The following MAMDC2 variants were observed in gnomAD, a reference collection of about 807,000 sequenced individuals.
MAMDC2 encodes the protein MAM domain containing 2, also known as MAM domain-containing protein 2.
A neutral mutation model predicts 89.8 loss-of-function variants in MAMDC2; 57 were observed. The observed-to-expected ratio is 0.63, with a 90% confidence interval of 0.51 to 0.79. The LOEUF is 0.79. MAMDC2 is among the 30% of genes least tolerant of loss of function. The pLI, the probability that MAMDC2 is intolerant of heterozygous loss-of-function variation, is 0.00. For missense variants in MAMDC2, 800 were observed against 820.6 expected, an observed-to-expected ratio of 0.97 and a Z score of 0.31; for synonymous variants, 313 against 293.4, an observed-to-expected ratio of 1.07 and a Z score of -0.68.
chr9:70,140,417 A>G (rs1259721078), intron 8 of MAMDC2, 129 bp downstream of exon 8: 2 of 960,200 alleles, frequency 2.1e-6, no homozygotes, highest in Non-Finnish European at 3.0e-6. Context: ...AAAGACAATC[A>G]GTAGTCTTGT....
intron 2 of MAMDC2, among the ~76,000 whole-genome samples, chr9:70,106,216 GA>G (rs537730370): frequency 6.6e-6 from 1 of 152,196 alleles, no homozygotes; most frequent in South Asian, 2.1e-4. Flanking sequence ...GTGGGGAAAG[GA>G]AAAGGGGAGG....
chr9:70,164,793 G>A (rs1056832681), intron 9 of MAMDC2, among the ~76,000 whole-genome samples: 4 of 151,630 alleles, frequency 2.6e-5, no homozygotes, highest in Non-Finnish European at 4.4e-5. Flanking sequence ...GACTACAAGC[G>A]CACACAGCTA....
At chr9:70,192,189 ATCTC>A in intron 11 of MAMDC2, among the ~76,000 whole-genome samples, 1 of 152,176 alleles carries the variant, frequency 6.6e-6, no homozygotes, top group South Asian at 2.1e-4. Context: ...CTGTTTGGAA[ATCTC>A]TCTGATAACT....
chr9:70,174,541 G>C (rs879634529), intron 11 of MAMDC2, among the ~76,000 whole-genome samples: 4 of 152,104 alleles, frequency 2.6e-5, no homozygotes, highest in Non-Finnish European at 4.4e-5. Context: ...CAATGTTCCA[G>C]GTAGAGGGGA....
At chr9:70,119,185 C>CAAAAAAAAA (rs5898117) in intron 5 of MAMDC2, among the ~76,000 whole-genome samples, 1 of 98,010 alleles carries the variant, frequency 1.0e-5, no homozygotes. Flanking sequence ...CATACCTTAG[C>CAAAAAAAAA]AAAAAAAAAA....
In MAMDC2 at chr9:70,210,040, A is replaced by G. The variant is rs1319831130; in HGVS notation, c.1652-8297A>G. On this transcript the variant is annotated intron_variant, in intron 11 of 13. Coordinates refer to ENST00000377182, the MANE Select transcript of MAMDC2 (RefSeq NM_153267.5). ...TCTGTTCTTTTACATTTGCTGAGGA[A>G]TGGTTTACTTCCAACTATGTGGTCA... Among the ~76,000 whole-genome samples, 57 of 152,090 alleles carry G rather than the reference A, an allele frequency of 3.7e-4. 1 individual carries two copies. The highest frequency in any genetic ancestry group is 3.7e-3 in the Admixed American group (57 of 15,248).
At position 70,109,918 on chromosome 9, in the gene MAMDC2, A is replaced by G. The variant is rs1828461749; in HGVS notation, c.505+114A>G. On this transcript the variant is annotated intron_variant, in intron 4 of 13. Coordinates refer to ENST00000377182, the MANE Select transcript of MAMDC2 (RefSeq NM_153267.5). ...CCAACTATTTTATAGAATGCACTGCATAATGCATACTGGTTTAAATTCTTT... is the reference window on the plus strand; with the variant it reads ...CCAACTATTTTATAGAATGCACTGCGTAATGCATACTGGTTTAAATTCTTT... 7.5e-6 allele frequency: 6 copies of G among 804,564 alleles called. No homozygotes were observed. In the South Asian group the frequency reaches 9.2e-5, roughly 12 times the overall value. 49.8% of individuals were successfully genotyped at this position (804,564 alleles called of 1,614,324 possible).
rs547203443 is a variant in MAMDC2, at chr9:70,098,647, A to G, written c.149-9564A>G. Among the ~76,000 whole-genome samples the G allele has an allele frequency of 8.4e-4, 128 of 152,348 alleles. 1 individual carries two copies. Among genetic ancestry groups the G allele is most frequent in the East Asian group, 2.9e-3 (15 of 5,190 alleles). ...GGATCCCACTATAAGGAAAAGGAAGAAAAGGTTGTTTTCCTGCTGTAAGAA... is the reference window on the plus strand; with the variant it reads ...GGATCCCACTATAAGGAAAAGGAAGGAAAGGTTGTTTTCCTGCTGTAAGAA... On this transcript the variant is annotated intron_variant, in intron 2 of 13. Coordinates refer to ENST00000377182, the MANE Select transcript of MAMDC2 (RefSeq NM_153267.5).
rs139424899 is a variant in MAMDC2, at chr9:70,128,811, C to A, written c.900+2396C>A. Among the ~76,000 whole-genome samples the A allele has an allele frequency of 5.5e-4, 84 of 152,216 alleles. 3 individuals carry two copies. The East Asian group carries it at 0.013, about 24-fold the overall frequency. ...AGTTGGGACTACAGGCATGTGCCAC[C>A]ACACCCAGCTAATTTTTGTATTTTT... On this transcript the variant is annotated intron_variant, in intron 6 of 13. Transcript: ENST00000377182.
intron 2 of MAMDC2, among the ~76,000 whole-genome samples, chr9:70,101,554 TA>T (rs1014826114): frequency 1.3e-5 from 2 of 152,192 alleles, no homozygotes; most frequent in African/African-American, 2.4e-5. Flanking sequence ...ATATCTTGTC[TA>T]TGTTTAGGTG....
chr9:70,150,977 C>T (rs962887036), intron 9 of MAMDC2, among the ~76,000 whole-genome samples: 16 of 152,316 alleles, frequency 1.1e-4, no homozygotes, highest in Admixed American at 9.8e-4. Flanking sequence ...TTTTGAGGTC[C>T]TGCACAGTTG....
intron 11 of MAMDC2, among the ~76,000 whole-genome samples, chr9:70,211,380 C>A (rs187667305): frequency 6.6e-6 from 1 of 152,136 alleles, no homozygotes; most frequent in South Asian, 2.1e-4. Context: ...TTAATTTGAT[C>A]TTCAATCACT....
intron 11 of MAMDC2, among the ~76,000 whole-genome samples, chr9:70,214,838 TCA>T (rs1407299799): frequency 4.6e-5 from 7 of 152,184 alleles, no homozygotes; most frequent in African/African-American, 1.7e-4. Flanking sequence ...GGTGTGCGAC[TCA>T]CAGGTTTTGG....
intron 5 of MAMDC2, among the ~76,000 whole-genome samples, chr9:70,120,772 C>G (rs2030248608): frequency 6.6e-6 from 1 of 152,142 alleles, no homozygotes. Flanking sequence ...TTACGTCATC[C>G]TTGAAAGCTG....
intron 2 of MAMDC2, among the ~76,000 whole-genome samples, chr9:70,059,768 A>T (rs1827106442): frequency 6.6e-6 from 1 of 152,180 alleles, no homozygotes; most frequent in Admixed American, 6.5e-5. Context: ...GATCTATTAG[A>T]GGCTAAGGGG....
intron 2 of MAMDC2, among the ~76,000 whole-genome samples, chr9:70,069,128 C>T (rs1237369596): frequency 1.3e-5 from 2 of 152,170 alleles, no homozygotes; most frequent in African/African-American, 4.8e-5. Flanking sequence ...GAGATTCAGC[C>T]TTGGCTTATG....
intron 11 of MAMDC2, among the ~76,000 whole-genome samples, chr9:70,210,088 G>C (rs1357271096): frequency 6.6e-6 from 1 of 152,192 alleles, no homozygotes; most frequent in East Asian, 1.9e-4. Context: ...GTGCAATGTG[G>C]TGCTGAGAAG....
intron 11 of MAMDC2, among the ~76,000 whole-genome samples, chr9:70,196,147 C>T (rs1003120563): frequency 6.6e-6 from 1 of 152,034 alleles, no homozygotes; most frequent in African/African-American, 2.4e-5. Flanking sequence ...TTATTCACTA[C>T]CACCATAACA....
chr9:70,106,554 A>G (rs890500855), intron 2 of MAMDC2, among the ~76,000 whole-genome samples: 18 of 152,194 alleles, frequency 1.2e-4, no homozygotes, highest in African/African-American at 3.9e-4. Context: ...CCAGCTTAGA[A>G]TAGTCAAACC....
Sources: gnomAD v4.1 joint callset for allele counts (sites outside exome capture counted in the v4.1 genomes callset) on GRCh38, gnomAD v4.1.1 for gene constraint, MANE v1.5 for transcripts, NCBI Gene and HGNC (gene_info 2026-07-23, HGNC 2026-07-21) for gene names.